Variants in CADM1 observed in about 807,000 individuals in gnomAD.
The protein encoded by CADM1 is cell adhesion molecule 1.
A neutral mutation model predicts 53.1 loss-of-function variants in CADM1; 15 were observed. The observed-to-expected ratio is 0.28, with a 90% confidence interval of 0.19 to 0.44. The LOEUF is 0.44. Ranked by LOEUF, CADM1 falls within the 20% of genes least tolerant of loss-of-function variation. The pLI is 1.00. For synonymous variants in CADM1, 281 were observed against 243.0 expected (o/e 1.16, Z -1.45); for missense variants, 434 against 611.3 (o/e 0.71, Z 3.06).
intron 1 of CADM1, among the ~76,000 whole-genome samples, chr11:115,289,757 A>G (rs1473415104): frequency 6.6e-6 from 1 of 151,752 alleles, no homozygotes; most frequent in Non-Finnish European, 1.5e-5. Context: ...CATCACGCCC[A>G]GCTAATTTTT....
Position 115,504,335 on chromosome 11 carries a change from C to CGCCGCCGCCGCCGCT in CADM1, c.45_59dup (p.Ala16_Ala20dup). On this transcript the variant is annotated inframe_insertion, in exon 1 of 12. Coordinates refer to ENST00000331581, the MANE Select transcript of CADM1 (RefSeq NM_001301043.2). Reference sequence around the variant, plus strand: ...GAAGCCGGAGCCGGAGCCCGGGAGGCGCCGCCGCCGCCGCTGCCGCCGCAC... The same window carrying CGCCGCCGCCGCCGCT: ...GAAGCCGGAGCCGGAGCCCGGGAGGCGCCGCCGCCGCCGCTGCCGCCGCCGCCGCTGCCGCCGCAC... 1 of 1,546,918 alleles carries CGCCGCCGCCGCCGCT rather than the reference C, an allele frequency of 6.5e-7. No individual in the cohort carries two copies. The highest frequency in any genetic ancestry group is 8.7e-7 in the Non-Finnish European group (1 of 1,144,734).
intron 10 of CADM1, among the ~76,000 whole-genome samples, chr11:115,180,155 T>C (rs948876689): frequency 3.3e-5 from 5 of 152,236 alleles, no homozygotes; most frequent in Admixed American, 3.3e-4. Flanking sequence ...CAGGAGGGCA[T>C]GATTTACACT....
At chr11:115,428,722 A>G (rs1947961647) in intron 1 of CADM1, among the ~76,000 whole-genome samples, 1 of 152,136 alleles carries the variant, frequency 6.6e-6, no homozygotes, top group Non-Finnish European at 1.5e-5. Context: ...ATATCATTTT[A>G]AAGGTTTCAC....
intron 1 of CADM1, among the ~76,000 whole-genome samples, chr11:115,455,564 T>C (rs1339937572): frequency 6.6e-6 from 1 of 152,146 alleles, no homozygotes; most frequent in Non-Finnish European, 1.5e-5. Flanking sequence ...AGAGTCAAGT[T>C]TCTTAAGAAA....
intron 1 of CADM1, among the ~76,000 whole-genome samples, chr11:115,308,192 G>GTATATATATATATATATATATATATA (rs1387092815): frequency 1.4e-5 from 1 of 70,496 alleles, no homozygotes; most frequent in African/African-American, 6.3e-5. Flanking sequence ...ACTCATAGGT[G>GTATATATATATATATATATATATATA]TGTATATATA....
chr11:115,332,903 C>G (rs150410346), intron 1 of CADM1, among the ~76,000 whole-genome samples: 66 of 152,184 alleles, frequency 4.3e-4, no homozygotes, highest in Middle Eastern at 6.8e-3. Context: ...CTGGATCTCC[C>G]TGCGCTTCCC....
At chr11:115,203,774 C>T (rs562625060) in intron 8 of CADM1, among the ~76,000 whole-genome samples, 1 of 152,190 alleles carries the variant, frequency 6.6e-6, no homozygotes, top group South Asian at 2.1e-4. Flanking sequence ...CTGTAGTATT[C>T]AAGTCTTTTC....
At chr11:115,437,222 G>A (rs1181213422) in intron 1 of CADM1, among the ~76,000 whole-genome samples, 1 of 152,100 alleles carries the variant, frequency 6.6e-6, no homozygotes, top group Non-Finnish European at 1.5e-5. Flanking sequence ...CCCAGAGGTG[G>A]AATAAAAAAC....
chr11:115,482,422 G>C (rs557421879), intron 1 of CADM1, among the ~76,000 whole-genome samples: 1 of 152,136 alleles, frequency 6.6e-6, no homozygotes, highest in Non-Finnish European at 1.5e-5. Flanking sequence ...CTAGCACATA[G>C]TAAGTGATAC....
At chr11:115,240,182 A>T in intron 2 of CADM1, 92 bp downstream of exon 2, 2 of 1,190,232 alleles carry the variant, frequency 1.7e-6, no homozygotes, top group Non-Finnish European at 2.4e-6. Flanking sequence ...ATCTAACATT[A>T]AATTTAAAAA....
chr11:115,180,260 TAA>T (rs1442200488), intron 10 of CADM1, among the ~76,000 whole-genome samples: 1 of 152,162 alleles, frequency 6.6e-6, no homozygotes, highest in Non-Finnish European at 1.5e-5. Flanking sequence ...GTGCTTTAAT[TAA>T]AAGAGTTTAA....
At chr11:115,190,831 G>A in intron 10 of CADM1, 57 bp downstream of exon 10, 1 of 1,446,462 alleles carries the variant, frequency 6.9e-7, no homozygotes, top group Non-Finnish European at 9.5e-7. Flanking sequence ...TTGTAGAAGT[G>A]GATAGAGCAC....
At chr11:115,317,437 C>T (rs972022628) in intron 1 of CADM1, among the ~76,000 whole-genome samples, 5 of 152,138 alleles carry the variant, frequency 3.3e-5, no homozygotes, top group Non-Finnish European at 4.4e-5. Flanking sequence ...CACACTAACA[C>T]GCCTGTAAAG....
chr11:115,180,479 G>A (rs1479076941), intron 10 of CADM1, among the ~76,000 whole-genome samples: 4 of 152,264 alleles, frequency 2.6e-5, no homozygotes, highest in African/African-American at 4.8e-5. Context: ...TGAGCTGAGC[G>A]AGCCCCTCCA....
At chr11:115,423,880 C>A (rs559850812) in intron 1 of CADM1, among the ~76,000 whole-genome samples, 2 of 152,216 alleles carry the variant, frequency 1.3e-5, no homozygotes, top group East Asian at 3.8e-4. Flanking sequence ...GGTTTTGTCT[C>A]GCTCTACTCT....
intron 1 of CADM1, among the ~76,000 whole-genome samples, chr11:115,267,954 A>G (rs761291583): frequency 3.3e-5 from 5 of 152,194 alleles, no homozygotes; most frequent in Non-Finnish European, 7.3e-5. Flanking sequence ...TCTTGTTAGC[A>G]AAAGGATTAT....
chr11:115,416,773 G>A, intron 1 of CADM1, among the ~76,000 whole-genome samples: 1 of 150,892 alleles, frequency 6.6e-6, no homozygotes, highest in Middle Eastern at 3.2e-3. Context: ...ACTCAGGCAT[G>A]CAACAAGACA....
chr11:115,402,891 C>G (rs1004456589), intron 1 of CADM1, among the ~76,000 whole-genome samples: 2 of 152,134 alleles, frequency 1.3e-5, no homozygotes, highest in Admixed American at 6.5e-5. Flanking sequence ...CAGAGGTAAA[C>G]ATAACTCACT....
At chr11:115,213,201 A>C (rs1477007012) in intron 7 of CADM1, among the ~76,000 whole-genome samples, 1 of 152,196 alleles carries the variant, frequency 6.6e-6, no homozygotes, top group Non-Finnish European at 1.5e-5. Flanking sequence ...GAGCACATGC[A>C]GAAAAAGGGA....
Sources: allele counts gnomAD v4.1 joint callset (sites outside exome capture counted in the v4.1 genomes callset), GRCh38; gene constraint gnomAD v4.1.1; transcripts MANE v1.5; gene names NCBI Gene and HGNC (gene_info 2026-07-23, HGNC 2026-07-21).